Variants in STXBP6 observed in about 807,000 individuals in gnomAD.
STXBP6 encodes the protein syntaxin-binding protein 6.
Under a neutral mutation model 26.9 loss-of-function variants are expected in STXBP6, and 21 were observed. The observed-to-expected ratio is 0.78, with a 90% confidence interval of 0.55 to 1.12. The LOEUF (loss-of-function observed/expected upper bound fraction) is 1.12, where lower values mean the gene tolerates loss of function less well. Ranked by LOEUF, STXBP6 falls within the 50% of genes most tolerant of loss-of-function variation. The pLI is 0.00. For missense variants in STXBP6, 232 were observed against 257.9 expected (o/e 0.90, Z 0.69); for synonymous variants, 97 against 92.6 (o/e 1.05, Z -0.27).
rs1801550347 is a variant in STXBP6, at chr14:24,974,798, GA to G, written c.20del (p.Ile7ThrfsTer39). 1.2e-6 allele frequency: 2 copies of G among 1,608,868 alleles called. No individual in the cohort carries two copies. Among genetic ancestry groups the G allele is most frequent in the Non-Finnish European group, 1.7e-6 (2 of 1,177,256 alleles). On this transcript the variant is annotated frameshift_variant, in exon 2 of 6. Coordinates refer to ENST00000323944, the MANE Select transcript of STXBP6 (RefSeq NM_001394410.1). LOFTEE classifies it high-confidence loss of function. MSAKSA[I>X]SKEIFAPLDE... ...CAAGAGGTGCAAAAATTTCCTTGCT[GA>G]TAGCAGATTTGGCACTCATTGTAGA...
rs552562019 is a variant in STXBP6, at chr14:24,945,139, A to ATTTTTTTTTTTTTTTT, written c.154+29510_154+29525dup. 1.7e-3 allele frequency among the ~76,000 whole-genome samples: 176 copies of ATTTTTTTTTTTTTTTT among 100,710 alleles called. 47 individuals carry two copies. Among genetic ancestry groups the ATTTTTTTTTTTTTTTT allele is most frequent in the African/African-American group, 3.2e-3 (89 of 27,538 alleles). 66.1% of individuals were successfully genotyped at this position (100,710 alleles called of 152,430 possible). A position where few individuals can be genotyped will look rare whatever the true frequency, so the allele number is the denominator to read the frequency against. ...TGGCATGTATATGAACCAATTAGGA[A>ATTTTTTTTTTTTTTTT]TTTTTTTTTTTTTTTTTTTTTTTTT... On this transcript the variant is annotated intron_variant, in intron 2 of 5. Coordinates refer to ENST00000323944, the MANE Select transcript of STXBP6 (RefSeq NM_001394410.1).
At chr14:24,952,464 T>C (rs1476201300) in intron 2 of STXBP6, among the ~76,000 whole-genome samples, 4 of 152,206 alleles carry the variant, frequency 2.6e-5, no homozygotes, top group Non-Finnish European at 5.9e-5. Flanking sequence ...AATGTAAAAC[T>C]GAGGAGTATT....
chr14:24,843,995 A>C (rs1167299044), intron 4 of STXBP6, among the ~76,000 whole-genome samples: 1 of 152,152 alleles, frequency 6.6e-6, no homozygotes. Flanking sequence ...GAGGGTTTTA[A>C]CTTTCGGCCC....
intron 2 of STXBP6, among the ~76,000 whole-genome samples, chr14:24,876,315 T>C (rs953326695): frequency 5.9e-5 from 9 of 152,210 alleles, no homozygotes; most frequent in African/African-American, 2.2e-4. Flanking sequence ...CTGGATACTC[T>C]ATGCTCAAAC....
intron 4 of STXBP6, among the ~76,000 whole-genome samples, chr14:24,833,266 A>C (rs2068510975): frequency 6.6e-6 from 1 of 152,124 alleles, no homozygotes; most frequent in Non-Finnish European, 1.5e-5. Flanking sequence ...TGGTTACCTA[A>C]GCCACAATTC....
intron 1 of STXBP6, among the ~76,000 whole-genome samples, chr14:25,035,819 G>T (rs1361020164): frequency 1.3e-5 from 2 of 152,182 alleles, no homozygotes; most frequent in South Asian, 2.1e-4. Context: ...GACTGTGCAG[G>T]ATTATAGGTG....
intron 2 of STXBP6, among the ~76,000 whole-genome samples, chr14:24,973,679 G>T (rs765873922): frequency 1.3e-5 from 2 of 151,986 alleles, no homozygotes; most frequent in African/African-American, 4.8e-5. Flanking sequence ...GAGCCACCGC[G>T]CCTGGCCCTT....
At position 24,918,446 on chromosome 14, in the gene STXBP6, C is replaced by A. The variant is rs1471855680; in HGVS notation, c.154+56219G>T. On this transcript the variant is annotated intron_variant, in intron 2 of 5. Transcript: ENST00000323944. ...AGGTGATTATTTCTTAAAAACCACA[C>A]CCCCACCACACACACACACACACAC... Among the ~76,000 whole-genome samples, 4 of 123,190 alleles carry A rather than the reference C, an allele frequency of 3.2e-5. No homozygotes were observed. The East Asian group carries it at 1.0e-3, about 31-fold the overall frequency. 80.8% of individuals were successfully genotyped at this position (123,190 alleles called of 152,430 possible). A position where few individuals can be genotyped will look rare whatever the true frequency, so the allele number is the denominator to read the frequency against.
chr14:24,865,237 T>G lies in STXBP6; in HGVS notation c.155-8080A>C, dbSNP rs568640672. On this transcript the variant is annotated intron_variant, in intron 2 of 5. Coordinates refer to ENST00000323944, the MANE Select transcript of STXBP6 (RefSeq NM_001394410.1). ...GACAAAATATATGAAGCAATGGTTT[T>G]TAAGGCATTGTATATCAAGCAATGA... Among the ~76,000 whole-genome samples the G allele has an allele frequency of 4.6e-5, 7 of 152,212 alleles. No homozygotes were observed. The East Asian group carries it at 1.4e-3, about 29-fold the overall frequency.
At chr14:24,848,758 G>A (rs543184739) in intron 4 of STXBP6, among the ~76,000 whole-genome samples, 1 of 152,156 alleles carries the variant, frequency 6.6e-6, no homozygotes, top group Non-Finnish European at 1.5e-5. Flanking sequence ...AGAATTGGAT[G>A]GAACCTAAGG....
intron 1 of STXBP6, among the ~76,000 whole-genome samples, chr14:25,027,514 T>C (rs141031674): frequency 6.6e-6 from 1 of 152,200 alleles, no homozygotes; most frequent in African/African-American, 2.4e-5. Flanking sequence ...ACTCTATCAA[T>C]AAATGTATGT....
At chr14:24,979,590 T>C (rs564451916) in intron 1 of STXBP6, among the ~76,000 whole-genome samples, 1 of 152,230 alleles carries the variant, frequency 6.6e-6, no homozygotes, top group Non-Finnish European at 1.5e-5. Flanking sequence ...CCACCTATAA[T>C]GTTGATGACA....
chr14:25,005,412 A>C (rs375600836), intron 1 of STXBP6, among the ~76,000 whole-genome samples: 1 of 152,214 alleles, frequency 6.6e-6, no homozygotes, highest in Non-Finnish European at 1.5e-5. Flanking sequence ...TATGACTGCA[A>C]TCATCTGAAA....
chr14:24,927,938 C>T (rs1051586049), intron 2 of STXBP6, among the ~76,000 whole-genome samples: 1 of 152,074 alleles, frequency 6.6e-6, no homozygotes, highest in Non-Finnish European at 1.5e-5. Context: ...TAGTTTACCA[C>T]ACAGACAGCC....
intron 2 of STXBP6, among the ~76,000 whole-genome samples, chr14:24,928,008 G>A (rs2139868024): frequency 6.6e-6 from 1 of 152,254 alleles, no homozygotes; most frequent in East Asian, 1.9e-4. Context: ...AGTGGAGGAA[G>A]GGATGAGGAG....
At chr14:24,979,777 G>T (rs1201577351) in intron 1 of STXBP6, among the ~76,000 whole-genome samples, 1 of 152,058 alleles carries the variant, frequency 6.6e-6, no homozygotes, top group African/African-American at 2.4e-5. Context: ...TTCTAGACTA[G>T]CTTTTCTTCA....
chr14:24,868,022 C>T (rs2069786195), intron 2 of STXBP6, among the ~76,000 whole-genome samples: 1 of 151,972 alleles, frequency 6.6e-6, no homozygotes, highest in Admixed American at 6.6e-5. Flanking sequence ...CATGGTGAAA[C>T]CCTGTCTCTA....
intron 1 of STXBP6, among the ~76,000 whole-genome samples, chr14:24,985,336 C>T: frequency 6.6e-6 from 1 of 152,204 alleles, no homozygotes; most frequent in East Asian, 1.9e-4. Flanking sequence ...CTGCAGTTTG[C>T]AACAGGAGTC....
Position 24,812,635 on chromosome 14 carries a change from C to T in STXBP6, c.*74G>A, listed in dbSNP as rs952656710. The T allele has an allele frequency of 5.5e-6, 8 of 1,467,230 alleles. No individual in the cohort carries two copies. The African/African-American group carries it at 5.6e-5, about 10-fold the overall frequency. 90.9% of individuals were successfully genotyped at this position (1,467,230 alleles called of 1,614,324 possible). ...TGGAAAAAAAGAAGCAAGCGGAGGT[C>T]CCGAATTCTTGTAAAAACTGCTGAA... On this transcript the variant is annotated 3_prime_UTR_variant, in exon 6 of 6. Transcript: ENST00000323944.
Sources: allele counts gnomAD v4.1 joint callset (sites outside exome capture counted in the v4.1 genomes callset), GRCh38; gene constraint gnomAD v4.1.1; transcripts MANE v1.5; gene names NCBI Gene and HGNC (gene_info 2026-07-23, HGNC 2026-07-21).